AGPAT4: variants seen among roughly 807,000 people sequenced by gnomAD.
AGPAT4 encodes 1-acyl-sn-glycerol-3-phosphate acyltransferase delta.
A neutral mutation model predicts 48.0 loss-of-function variants in AGPAT4; 15 were observed. That is an observed-to-expected ratio of 0.31 (90% CI 0.21 to 0.48). The LOEUF (loss-of-function observed/expected upper bound fraction) is 0.48. Among genes scored for constraint, AGPAT4 ranks in the 20% least tolerant of loss-of-function variants. AGPAT4 has a pLI of 0.99. For missense variants in AGPAT4, 314 were observed against 482.5 expected (o/e 0.65, Z 3.27); for synonymous variants, 178 against 198.7 (o/e 0.90, Z 0.88).
In AGPAT4 at chr6:161,231,493, G is replaced by A. The variant is rs920014289; in HGVS notation, c.178+543C>T. Among the ~76,000 whole-genome samples, 20 of 152,026 alleles carry A rather than the reference G, an allele frequency of 1.3e-4. No individual in the cohort carries two copies. The highest frequency in any genetic ancestry group is 4.4e-5 in the Non-Finnish European group (3 of 68,008). ...CCAGTGGTGCAAGATGCTACCATAGGGAGAAACTGGCCAAGGAGTGTACAG... is the reference window on the plus strand; with the variant it reads ...CCAGTGGTGCAAGATGCTACCATAGAGAGAAACTGGCCAAGGAGTGTACAG... On this transcript the variant is annotated intron_variant, in intron 2 of 8. Transcript: ENST00000320285. The surrounding 1 kb of genome is among the most constrained non-coding windows in gnomAD (Gnocchi z 5.3).
rs1778983171 is a variant in AGPAT4 at position 161,133,931 on chromosome 6, G to A, written c.*2609C>T. 2 of 152,232 alleles carry A rather than the reference G, an allele frequency of 1.3e-5. No homozygotes were observed. The highest frequency in any genetic ancestry group is 1.3e-4 in the Admixed American group (2 of 15,278). 9.4% of individuals were successfully genotyped at this position (152,232 alleles called of 1,614,324 possible). On this transcript the variant is annotated 3_prime_UTR_variant, in exon 9 of 9. Transcript: ENST00000320285. Reference sequence around the variant, plus strand: ...AAAAATAACCCTGGGAACCAAAGCAGTTGTTGTGTGCTGAGGAGATGGTGA... The same window carrying A: ...AAAAATAACCCTGGGAACCAAAGCAATTGTTGTGTGCTGAGGAGATGGTGA...
At position 161,146,230 on chromosome 6, in the gene AGPAT4, G is replaced by T. The variant is rs1438115646; in HGVS notation, c.843+294C>A. ...GCTGCGGAGAACATCCACCCCACAA[G>T]CACATCCTGCCTTAGGACCAGAGGC... On this transcript the variant is annotated intron_variant, in intron 7 of 8. Coordinates refer to ENST00000320285, the MANE Select transcript of AGPAT4 (RefSeq NM_020133.3). This position sits in a 1 kb window ranked among gnomAD's most constrained non-coding sequence, Gnocchi z 7.1. Among the ~76,000 whole-genome samples, 3 of 151,574 alleles carry T rather than the reference G, an allele frequency of 2.0e-5. 1 individual carries two copies. Among genetic ancestry groups the T allele is most frequent in the African/African-American group, 7.3e-5 (3 of 40,884 alleles).
chr6:161,219,958 A>ACAGACAGG lies in AGPAT4; in HGVS notation c.178+12077_178+12078insCCTGTCTG, dbSNP rs2115026420. 6.7e-6 allele frequency among the ~76,000 whole-genome samples: 1 copy of ACAGACAGG among 150,068 alleles called. No individual in the cohort carries two copies. The highest frequency in any genetic ancestry group is 2.0e-4 in the East Asian group (1 of 5,080). The stretch of plus-strand genomic sequence containing the variant: ...GGCAGGCAGGCAGGCAGACAGACAG[A>ACAGACAGG]CAGACAGACAGGCAGGCAGATAGAT... On this transcript the variant is annotated intron_variant, in intron 2 of 8. Transcript: ENST00000320285. The surrounding 1 kb of genome is among the most constrained non-coding windows in gnomAD (Gnocchi z 4.9).
chr6:161,168,384 C>T (rs1227884553), intron 2 of AGPAT4, among the ~76,000 whole-genome samples: 1 of 152,132 alleles, frequency 6.6e-6, no homozygotes, highest in East Asian at 1.9e-4. Flanking sequence ...GTGTCACAGG[C>T]CAAATGCCTC....
In AGPAT4 at chr6:161,219,251, A is replaced by C. The variant is rs1781735742; in HGVS notation, c.178+12785T>G. On this transcript the variant is annotated intron_variant, in intron 2 of 8. Transcript: ENST00000320285. The surrounding 1 kb of genome is among the most constrained non-coding windows in gnomAD (Gnocchi z 4.9). The stretch of plus-strand genomic sequence containing the variant: ...TCTTTCAATGTTTTTGATTCCTTAA[A>C]AAAAAAATTAAATATGCACCATTAG... Among the ~76,000 whole-genome samples, 1 of 152,104 alleles carries C rather than the reference A, an allele frequency of 6.6e-6. No homozygotes were observed.
At chr6:161,194,792 C>T (rs918812342) in intron 2 of AGPAT4, among the ~76,000 whole-genome samples, 1 of 152,044 alleles carries the variant, frequency 6.6e-6, no homozygotes, top group African/African-American at 2.4e-5. Flanking sequence ...ACAGAGGAAA[C>T]TTATTTTGTT....
In AGPAT4 at chr6:161,184,134, A is replaced by C. The variant is rs1232752901; in HGVS notation, c.179-17717T>G. On this transcript the variant is annotated intron_variant, in intron 2 of 8. Transcript: ENST00000320285. This position sits in a 1 kb window ranked among gnomAD's most constrained non-coding sequence, Gnocchi z 4.8. ...AACTGGGGACACATTTCAGAGCATGACTTTGGCTGCTGTGTGGAGAAAGAA... is the reference window on the plus strand; with the variant it reads ...AACTGGGGACACATTTCAGAGCATGCCTTTGGCTGCTGTGTGGAGAAAGAA... Among the ~76,000 whole-genome samples the C allele has an allele frequency of 1.3e-5, 2 of 151,952 alleles. No individual in the cohort carries two copies. The highest frequency in any genetic ancestry group is 2.1e-4 in the South Asian group (1 of 4,812).
chr6:161,271,879 G>A (rs1783434643), intron 1 of AGPAT4, among the ~76,000 whole-genome samples: 1 of 152,156 alleles, frequency 6.6e-6, no homozygotes, highest in Non-Finnish European at 1.5e-5. Context: ...TGCCCTTGAG[G>A]ACCATTTTCA....
rs1394058895 is a variant in AGPAT4, at chr6:161,166,152, C to T, written c.348+96G>A. The T allele has an allele frequency of 6.8e-7, 1 of 1,480,786 alleles. No individual in the cohort carries two copies. The highest frequency in any genetic ancestry group is 2.4e-5 in the East Asian group (1 of 41,036). 91.7% of individuals were successfully genotyped at this position (1,480,786 alleles called of 1,614,324 possible). A position where few individuals can be genotyped will look rare whatever the true frequency, so the allele number is the denominator to read the frequency against. Reference sequence around the variant, plus strand: ...TCATCAAGTAGAAACTCTGTTGATTCTTCTGCAAGTTCTGAATGACCAGGA... The same window carrying T: ...TCATCAAGTAGAAACTCTGTTGATTTTTCTGCAAGTTCTGAATGACCAGGA... On this transcript the variant is annotated intron_variant, in intron 3 of 8. Transcript: ENST00000320285. The surrounding 1 kb of genome is among the most constrained non-coding windows in gnomAD (Gnocchi z 6.7).
chr6:161,258,441 A>C (rs1225989950), intron 1 of AGPAT4, among the ~76,000 whole-genome samples: 2 of 152,078 alleles, frequency 1.3e-5, no homozygotes, highest in Admixed American at 6.6e-5. Flanking sequence ...AAACTTTTCC[A>C]CCTCTTGGTG....
intron 2 of AGPAT4, among the ~76,000 whole-genome samples, chr6:161,191,892 A>C (rs532149471): frequency 6.6e-6 from 1 of 152,146 alleles, no homozygotes. Context: ...AGTCTTGAAC[A>C]AGTGATTTAA....
rs1401073752 is a variant in AGPAT4, at chr6:161,181,878, G to A, written c.179-15461C>T. 2.0e-5 allele frequency among the ~76,000 whole-genome samples: 3 copies of A among 152,114 alleles called. No individual in the cohort carries two copies. In the East Asian group the frequency reaches 5.8e-4, roughly 29 times the overall value. ...TTTTGCCCCCAAGGGGACAAAAATT[G>A]GTTCTTGGAGGGGGCGTGGGGTGGA... On this transcript the variant is annotated intron_variant, in intron 2 of 8. Transcript: ENST00000320285.
Position 161,166,525 on chromosome 6 carries a change from C to T in AGPAT4, c.179-108G>A, listed in dbSNP as rs939343051. 10 of 1,333,874 alleles carry T rather than the reference C, an allele frequency of 7.5e-6. No homozygotes were observed. The highest frequency in any genetic ancestry group is 2.5e-5 in the Admixed American group (1 of 40,136). 82.6% of individuals were successfully genotyped at this position (1,333,874 alleles called of 1,614,324 possible). A position where few individuals can be genotyped will look rare whatever the true frequency, so the allele number is the denominator to read the frequency against. On this transcript the variant is annotated intron_variant, in intron 2 of 8. Coordinates refer to ENST00000320285, the MANE Select transcript of AGPAT4 (RefSeq NM_020133.3). This position sits in a 1 kb window ranked among gnomAD's most constrained non-coding sequence, Gnocchi z 6.7. ...CAGCTAGGGGAGAAAGCAACTTCTA[C>T]GGGCAAAGTTCTGGATCGTTGCAGC...
intron 2 of AGPAT4, among the ~76,000 whole-genome samples, chr6:161,190,899 A>G (rs1780904683): frequency 6.6e-6 from 1 of 152,248 alleles, no homozygotes; most frequent in African/African-American, 2.4e-5. Context: ...AACAATAGTC[A>G]GACTTTGTTC....
At position 161,251,934 on chromosome 6, in the gene AGPAT4, C is replaced by G. The variant is rs1334048757; in HGVS notation, c.-89-19632G>C. On this transcript the variant is annotated intron_variant, in intron 1 of 8. Transcript: ENST00000320285. This position sits in a 1 kb window ranked among gnomAD's most constrained non-coding sequence, Gnocchi z 4.6. ...TAGGGAATTGTAATTATCTTCTTAA[C>G]CCATTTATGCTGGAGAGTATAATTT... 6.6e-6 allele frequency among the ~76,000 whole-genome samples: 1 copy of G among 151,364 alleles called. No homozygotes were observed. The highest frequency in any genetic ancestry group is 1.5e-5 in the Non-Finnish European group (1 of 67,906).
Position 161,218,288 on chromosome 6 carries a change from G to A in AGPAT4, c.178+13748C>T, listed in dbSNP as rs1781711956. 6.6e-6 allele frequency among the ~76,000 whole-genome samples: 1 copy of A among 152,112 alleles called. No individual in the cohort carries two copies. The highest frequency in any genetic ancestry group is 6.5e-5 in the Admixed American group (1 of 15,270). ...GATTTATAGTTCTGCCGATTTCTAT[G>A]GTGCAAATATTCCCACAAATGTCAG... On this transcript the variant is annotated intron_variant, in intron 2 of 8. Transcript: ENST00000320285. The surrounding 1 kb of genome is among the most constrained non-coding windows in gnomAD (Gnocchi z 4.7).
chr6:161,247,972 A>ACT (rs1450778180), intron 1 of AGPAT4, among the ~76,000 whole-genome samples: 2 of 117,216 alleles, frequency 1.7e-5, no homozygotes, highest in African/African-American at 7.1e-5. Flanking sequence ...ACAGAGTAAG[A>ACT]CTCTGTCTCA....
chr6:161,207,952 CG>C (rs1331062554), intron 2 of AGPAT4, among the ~76,000 whole-genome samples: 1 of 152,060 alleles, frequency 6.6e-6, no homozygotes, highest in Non-Finnish European at 1.5e-5. Flanking sequence ...CTTAGCAAGA[CG>C]GATGCAGATC....
chr6:161,257,232 G>A (rs979841905), intron 1 of AGPAT4, among the ~76,000 whole-genome samples: 3 of 152,204 alleles, frequency 2.0e-5, no homozygotes, highest in Non-Finnish European at 2.9e-5. Flanking sequence ...GCCACAGGAC[G>A]GAAGACCACT....
Sources: allele counts gnomAD v4.1 joint callset (sites outside exome capture counted in the v4.1 genomes callset), GRCh38; gene constraint gnomAD v4.1.1; non-coding constraint Gnocchi (gnomAD v3.1); transcripts MANE v1.5; gene names NCBI Gene and HGNC (gene_info 2026-07-23, HGNC 2026-07-21).